The following TMTC2 variants were observed in gnomAD, a reference collection of about 807,000 sequenced individuals.
TMTC2 encodes protein O-mannosyl-transferase TMTC2.
TMTC2 carries 43 observed loss-of-function variants against 82.4 expected under a neutral mutation model. The ratio of observed to expected loss-of-function variants is 0.52; its 90% CI spans 0.41 to 0.67. The LOEUF (loss-of-function observed/expected upper bound fraction) is 0.67. Among genes scored for constraint, TMTC2 ranks in the 30% least tolerant of loss-of-function variants. The pLI, the probability that TMTC2 is intolerant of heterozygous loss-of-function variation, is 0.00. For synonymous variants in TMTC2, 408 were observed against 381.9 expected (o/e 1.07, Z -0.80); for missense variants, 919 against 1,012.4 (o/e 0.91, Z 1.25).
chr12:83,033,848 GTA>G lies in TMTC2; in HGVS notation c.2152+2979_2152+2980del, dbSNP rs200567670. On this transcript the variant is annotated intron_variant, in intron 9 of 11. Coordinates refer to ENST00000321196, the MANE Select transcript of TMTC2 (RefSeq NM_152588.3). ...TGTGTGTGTGTATATATATGTATGTGTATATATATATGTGTATGTGTATATAT... is the reference window on the plus strand; with the variant it reads ...TGTGTGTGTGTATATATATGTATGTGTATATATATGTGTATGTGTATATAT... Among the ~76,000 whole-genome samples the G allele has an allele frequency of 2.0e-4, 30 of 148,356 alleles. 1 individual carries two copies. The highest frequency in any genetic ancestry group is 3.4e-4 in the Admixed American group (5 of 14,782).
chr12:83,082,898 T>C (rs1209778361), intron 11 of TMTC2, among the ~76,000 whole-genome samples: 2 of 152,216 alleles, frequency 1.3e-5, no homozygotes, highest in Non-Finnish European at 2.9e-5. Context: ...TCCAGTGGAA[T>C]TATGTCATAT....
At chr12:82,892,235 G>A (rs1338685319) in intron 2 of TMTC2, among the ~76,000 whole-genome samples, 3 of 152,124 alleles carry the variant, frequency 2.0e-5, no homozygotes, top group Non-Finnish European at 4.4e-5. Flanking sequence ...CTTTAAATGT[G>A]AAATAATACA....
At chr12:83,124,126 T>C (rs1231630888) in intron 11 of TMTC2, among the ~76,000 whole-genome samples, 1 of 152,232 alleles carries the variant, frequency 6.6e-6, no homozygotes, top group Non-Finnish European at 1.5e-5. Context: ...TTACACCTAA[T>C]AGGTTATAGT....
rs375058330 is a variant in TMTC2 at position 83,092,848 on chromosome 12, C to A, written c.2331+31017C>A. Reference sequence around the variant, plus strand: ...GGTGTCCTTTGTCTTGAGAAATAAACCAGCGGCAAAGCTGAACAAAAGCAG... The same window carrying A: ...GGTGTCCTTTGTCTTGAGAAATAAAACAGCGGCAAAGCTGAACAAAAGCAG... On this transcript the variant is annotated intron_variant, in intron 11 of 11. Transcript: ENST00000321196. 7.2e-5 allele frequency among the ~76,000 whole-genome samples: 11 copies of A among 152,276 alleles called. 1 individual carries two copies. The highest frequency in any genetic ancestry group is 2.6e-4 in the Admixed American group (4 of 15,292).
chr12:82,954,306 A>G (rs142950228), intron 4 of TMTC2, among the ~76,000 whole-genome samples: 357 of 151,812 alleles, frequency 2.4e-3, no homozygotes, highest in African/African-American at 8.4e-3. Flanking sequence ...ACTTCACCTC[A>G]CCTGTTCTCT....
rs759352908 is a variant in TMTC2, at chr12:83,051,029, T to A, written c.2267+11T>A. 23 of 1,596,060 alleles carry A rather than the reference T, an allele frequency of 1.4e-5. No homozygotes were observed. The highest frequency in any genetic ancestry group is 1.8e-5 in the Non-Finnish European group (21 of 1,169,186). On this transcript the variant is annotated intron_variant, in intron 10 of 11. Transcript: ENST00000321196. Reference sequence around the variant, plus strand: ...TGCCCACATGCTCAGGTTAGTTTTTTTGCTGCTGTGCCTCAAAGCCTAGGC... The same window carrying A: ...TGCCCACATGCTCAGGTTAGTTTTTATGCTGCTGTGCCTCAAAGCCTAGGC...
intron 1 of TMTC2, among the ~76,000 whole-genome samples, chr12:82,769,412 G>A (rs763017956): frequency 6.6e-6 from 1 of 151,960 alleles, no homozygotes; most frequent in Non-Finnish European, 1.5e-5. Context: ...GGAGGCAGAG[G>A]TTGCAGTGAG....
At chr12:83,121,284 C>G (rs749517538) in intron 11 of TMTC2, among the ~76,000 whole-genome samples, 1 of 152,060 alleles carries the variant, frequency 6.6e-6, no homozygotes, top group South Asian at 2.1e-4. Flanking sequence ...TGAGTAGGCT[C>G]TATTAGGGGG....
intron 1 of TMTC2, among the ~76,000 whole-genome samples, chr12:82,744,660 A>G (rs1347727097): frequency 6.6e-6 from 1 of 150,568 alleles, no homozygotes; most frequent in Admixed American, 6.6e-5. Context: ...ATTTTTATTT[A>G]TAGAAATAAC....
chr12:82,734,996 G>T (rs1206498935), intron 1 of TMTC2, among the ~76,000 whole-genome samples: 3 of 152,168 alleles, frequency 2.0e-5, no homozygotes, highest in African/African-American at 7.2e-5. Flanking sequence ...GGTATATTGG[G>T]AACAGTCTGA....
chr12:82,739,683 C>T (rs555563174), intron 1 of TMTC2, among the ~76,000 whole-genome samples: 10 of 150,474 alleles, frequency 6.6e-5, no homozygotes, highest in African/African-American at 2.4e-4. Flanking sequence ...ATAAACCAGA[C>T]GTCTAAGTGA....
At chr12:82,948,478 C>CA (rs1211168776) in intron 4 of TMTC2, among the ~76,000 whole-genome samples, 5 of 151,994 alleles carry the variant, frequency 3.3e-5, no homozygotes, top group African/African-American at 9.7e-5. Context: ...CTATTCCAAG[C>CA]AAAAAAATAT....
intron 4 of TMTC2, among the ~76,000 whole-genome samples, chr12:82,938,349 A>T (rs1035398900): frequency 1.3e-5 from 2 of 152,168 alleles, no homozygotes; most frequent in Non-Finnish European, 2.9e-5. Context: ...GTAGAGTTTA[A>T]AAACAGTTTG....
intron 1 of TMTC2, among the ~76,000 whole-genome samples, chr12:82,727,460 T>C (rs969393045): frequency 2.6e-5 from 4 of 152,056 alleles, no homozygotes; most frequent in African/African-American, 9.7e-5. Context: ...TTTTCTGTTT[T>C]TTTAAGGCTG....
intron 1 of TMTC2, among the ~76,000 whole-genome samples, chr12:82,719,805 G>A (rs951137009): frequency 7.3e-5 from 11 of 151,492 alleles, no homozygotes; most frequent in South Asian, 4.2e-4. Flanking sequence ...ATGCATTCTC[G>A]TAGATTCTTA....
intron 8 of TMTC2, among the ~76,000 whole-genome samples, chr12:82,994,542 C>G (rs1231378974): frequency 6.6e-6 from 1 of 151,848 alleles, no homozygotes; most frequent in Non-Finnish European, 1.5e-5. Context: ...CTCATAATCC[C>G]TAGTACTCTG....
At chr12:82,998,454 AAAAC>A (rs1264658197) in intron 8 of TMTC2, among the ~76,000 whole-genome samples, 1 of 152,214 alleles carries the variant, frequency 6.6e-6, no homozygotes, top group Non-Finnish European at 1.5e-5. Flanking sequence ...CTAGTTAAAA[AAAAC>A]AAAAACAACT....
chr12:82,857,871 A>G (rs574335256), intron 2 of TMTC2, among the ~76,000 whole-genome samples: 14 of 152,316 alleles, frequency 9.2e-5, no homozygotes, highest in South Asian at 4.1e-4. Flanking sequence ...TCTTATTTCT[A>G]TATTTCTGCA....
rs558468322 is a variant in TMTC2 at position 82,733,383 on chromosome 12, A to G, written c.83+45714A>G. ...GGATTCAAAGATAAATAAATACATA[A>G]CATGCACACTAGCTCCTTTTTCTTG... On this transcript the variant is annotated intron_variant, in intron 1 of 11. Coordinates refer to ENST00000321196, the MANE Select transcript of TMTC2 (RefSeq NM_152588.3). Among the ~76,000 whole-genome samples, 253 of 152,336 alleles carry G rather than the reference A, an allele frequency of 1.7e-3. 1 individual carries two copies. The highest frequency in any genetic ancestry group is 2.0e-3 in the Non-Finnish European group (135 of 68,040).
Sources: allele counts gnomAD v4.1 joint callset (sites outside exome capture counted in the v4.1 genomes callset), GRCh38; gene constraint gnomAD v4.1.1; transcripts MANE v1.5; gene names NCBI Gene and HGNC (gene_info 2026-07-23, HGNC 2026-07-21).